The following CAMP variants were observed in gnomAD, a reference collection of about 807,000 sequenced individuals.
The protein encoded by CAMP is 18 kDa cationic antimicrobial protein.
In CAMP, 10 loss-of-function variants were observed where a neutral mutation model predicts 12.7. The ratio of observed to expected loss-of-function variants is 0.79; its 90% CI spans 0.49 to 1.34. CAMP has a LOEUF of 1.34. CAMP is among the 40% of genes most tolerant of loss of function. The pLI is 0.00. For missense variants in CAMP, 205 were observed against 213.0 expected (o/e 0.96, Z 0.23); for synonymous variants, 87 against 85.2 (o/e 1.02, Z -0.12).
At position 48,223,610 on chromosome 3, in the gene CAMP, C is replaced by G. The variant is rs1168371378; in HGVS notation, c.99C>G (p.Leu33=). ...CTCTGGCCATCATTGCCCAGGTCCT[C>G]AGCTACAAGGAAGCTGTGCTTCGTG... The part of the protein sequence containing the change: ...VMPLAIIAQV[L]SYKEAVLRAI... Residue 33 remains leucine, a synonymous_variant, in exon 1 of 4, where the codon CTC becomes CTG. Coordinates refer to ENST00000652295, the MANE Select transcript of CAMP (RefSeq NM_004345.5). The G allele has an allele frequency of 6.2e-7, 1 of 1,614,000 alleles. No homozygotes were observed.
At position 48,223,603 on chromosome 3, in the gene CAMP, A is replaced by G; in HGVS notation, c.92A>G (p.Gln31Arg). ...GLVMPLAIIA[Q>R]VLSYKEAVLR... ...GTGATGCCTCTGGCCATCATTGCCC[A>G]GGTCCTCAGCTACAAGGAAGCTGTG... The change falls in exon 1 of 4, where the codon CAG becomes CGG. Residue 31 changes from glutamine to arginine, a missense_variant. By Grantham distance (43) the Gln-to-Arg change is conservative (BLOSUM62 1). Transcript: ENST00000652295. 6.2e-7 allele frequency: 1 copy of G among 1,614,062 alleles called. No individual in the cohort carries two copies. Among genetic ancestry groups the G allele is most frequent in the Non-Finnish European group, 8.5e-7 (1 of 1,179,960 alleles).
At chr3:48,225,128 A>C (rs1229367572) in intron 3 of CAMP, among the ~76,000 whole-genome samples, 165 bp from the exon 4 acceptor site, 1 of 151,890 alleles carries the variant, frequency 6.6e-6, no homozygotes, top group Non-Finnish European at 1.5e-5. Context: ...TATTGGGTGT[A>C]GGGATTCAAT....
intron 3 of CAMP, 51 bp from the exon 4 acceptor site, chr3:48,225,242 C>A: frequency 1.2e-6 from 2 of 1,602,020 alleles, no homozygotes; most frequent in South Asian, 2.2e-5. Context: ...TTGGATTGAC[C>A]CTGGGTACAT....
chr3:48,224,647 G>C lies in CAMP; in HGVS notation c.354G>C (p.Arg118Ser), dbSNP rs745415316. ...CMGTVTLNQA[R>S]GSFDISCDKD... ...GGACAGTGACCCTCAACCAGGCCAG[G>C]GGCTCCTTTGACATCAGTTGTGATA... The change falls in exon 3 of 4, where the codon AGG becomes AGC. Residue 118 changes from arginine to serine, a missense_variant. Arg to Ser is a moderately radical substitution (Grantham distance 110). Transcript: ENST00000652295. The C allele has an allele frequency of 9.3e-6, 15 of 1,613,858 alleles. No individual in the cohort carries two copies. The highest frequency in any genetic ancestry group is 1.3e-5 in the Non-Finnish European group (15 of 1,179,840).
At chr3:48,225,247 G>A in intron 3 of CAMP, 46 bp from the exon 4 acceptor site, 1 of 1,605,162 alleles carries the variant, frequency 6.2e-7, no homozygotes, top group Non-Finnish European at 8.5e-7. Context: ...TTGACCCTGG[G>A]TACATCCCCG....
At chr3:48,225,251 A>C (rs748978592) in intron 3 of CAMP, 42 bp from the exon 4 acceptor site, 2 of 1,607,410 alleles carry the variant, frequency 1.2e-6, no homozygotes, top group Admixed American at 1.7e-5. Context: ...CCCTGGGTAC[A>C]TCCCCGACAA....
chr3:48,225,461 A>C lies in CAMP; in HGVS notation c.*37A>C. Reference sequence around the variant, plus strand: ...CCCTGGCTCAGGCTTCTGGGCTCTGAGAAATAAACTATGAGAGCAATTTCC... The same window carrying C: ...CCCTGGCTCAGGCTTCTGGGCTCTGCGAAATAAACTATGAGAGCAATTTCC... On this transcript the variant is annotated 3_prime_UTR_variant, in exon 4 of 4. Transcript: ENST00000652295. 6.3e-7 allele frequency: 1 copy of C among 1,586,802 alleles called. No individual in the cohort carries two copies. Among genetic ancestry groups the C allele is most frequent in the Non-Finnish European group, 8.6e-7 (1 of 1,161,952 alleles).
chr3:48,224,707 TG>T, intron 3 of CAMP, 33 bp downstream of exon 3: 1 of 1,504,774 alleles, frequency 6.6e-7, no homozygotes, highest in Non-Finnish European at 9.2e-7. Context: ...CAGGGGCTGA[TG>T]GGGGCATAGA....
chr3:48,223,524 AG>A lies in CAMP; in HGVS notation c.16del (p.Asp6MetfsTer18). ...AGACATGGGGACCATGAAGACCCAA[AG>A]GGATGGCCACTCCCTGGGGCGGTGG... MKTQ[R>X]DGHSLGRWSL... On this transcript the variant is annotated frameshift_variant, in exon 1 of 4. Coordinates refer to ENST00000652295, the MANE Select transcript of CAMP (RefSeq NM_004345.5). LOFTEE classifies it high-confidence loss of function. 1.3e-6 allele frequency: 2 copies of A among 1,598,458 alleles called. No individual in the cohort carries two copies. The highest frequency in any genetic ancestry group is 1.7e-6 in the Non-Finnish European group (2 of 1,172,758).
chr3:48,223,543 G>T lies in CAMP; in HGVS notation c.32G>T (p.Gly11Val). Residue 11 changes from glycine to valine, a missense_variant, in exon 1 of 4, where the codon GGG becomes GTG. By Grantham distance (109) the Gly-to-Val change is moderately radical (BLOSUM62 -3). Coordinates refer to ENST00000652295, the MANE Select transcript of CAMP (RefSeq NM_004345.5). ...ACCCAAAGGGATGGCCACTCCCTGG[G>T]GCGGTGGTCACTGGTGCTCCTGCTG... MKTQRDGHSL[G>V]RWSLVLLLLG... The T allele has an allele frequency of 6.2e-7, 1 of 1,608,280 alleles. No homozygotes were observed. Among genetic ancestry groups the T allele is most frequent in the Non-Finnish European group, 8.5e-7 (1 of 1,177,594 alleles).
In CAMP at chr3:48,223,605, G is replaced by T; in HGVS notation, c.94G>T (p.Val32Phe). 1 of 1,614,076 alleles carries T rather than the reference G, an allele frequency of 6.2e-7. No individual in the cohort carries two copies. The change falls in exon 1 of 4, where the codon GTC becomes TTC. Residue 32 changes from valine (V) to phenylalanine (F), a missense_variant. Physicochemically the swap from Val to Phe is conservative, Grantham distance 50 (BLOSUM62 -1). Transcript: ENST00000652295. ...GATGCCTCTGGCCATCATTGCCCAG[G>T]TCCTCAGCTACAAGGAAGCTGTGCT... Reference protein sequence around the residue: ...LVMPLAIIAQVLSYKEAVLRA... With the variant: ...LVMPLAIIAQFLSYKEAVLRA...
chr3:48,223,615 A>G lies in CAMP; in HGVS notation c.104A>G (p.Tyr35Cys). 2 of 1,614,086 alleles carry G rather than the reference A, an allele frequency of 1.2e-6. No individual in the cohort carries two copies. Among genetic ancestry groups the G allele is most frequent in the Non-Finnish European group, 1.7e-6 (2 of 1,179,918 alleles). Reference protein sequence around the residue: ...PLAIIAQVLSYKEAVLRAIDG... With the variant: ...PLAIIAQVLSCKEAVLRAIDG... ...GCCATCATTGCCCAGGTCCTCAGCT[A>G]CAAGGAAGCTGTGCTTCGTGCTATA... The change falls in exon 1 of 4, where the codon TAC becomes TGC. Residue 35 changes from tyrosine to cysteine, a missense_variant. Physicochemically the swap from Tyr to Cys is radical, Grantham distance 194. Coordinates refer to ENST00000652295, the MANE Select transcript of CAMP (RefSeq NM_004345.5).
At chr3:48,224,514 G>T in intron 2 of CAMP, 53 bp downstream of exon 2, 1 of 1,526,602 alleles carries the variant, frequency 6.6e-7, no homozygotes, top group East Asian at 2.2e-5. Flanking sequence ...AGCTGAACAG[G>T]GGGCACCTGG....
Position 48,225,473 on chromosome 3 carries a change from T to C in CAMP, c.*49T>C. ...CTTCTGGGCTCTGAGAAATAAACTA[T>C]GAGAGCAATTTCCTCAGGCTTCAGT... On this transcript the variant is annotated 3_prime_UTR_variant, in exon 4 of 4. Transcript: ENST00000652295. 1 of 1,559,172 alleles carries C rather than the reference T, an allele frequency of 6.4e-7. No individual in the cohort carries two copies. Among genetic ancestry groups the C allele is most frequent in the Non-Finnish European group, 8.8e-7 (1 of 1,139,412 alleles).
rs372766689 is a variant in CAMP, at chr3:48,223,709, G to A, written c.198G>A (p.Thr66=). The A allele has an allele frequency of 4.6e-5, 74 of 1,613,118 alleles. No individual in the cohort carries two copies. The Middle Eastern group carries it at 5.0e-4, about 11-fold the overall frequency. The change falls in exon 1 of 4, where the codon ACG becomes ACA. Residue 66 remains threonine (T), a synonymous_variant. Coordinates refer to ENST00000652295, the MANE Select transcript of CAMP (RefSeq NM_004345.5). Reference sequence around the variant, plus strand: ...TCCTGGACCTGGACCCCAGGCCCACGATGGTGAGCTTTGGGGGACATTCTG... The same window carrying A: ...TCCTGGACCTGGACCCCAGGCCCACAATGGTGAGCTTTGGGGGACATTCTG... ...YRLLDLDPRP[T]MDGDPDTPKP...
Position 48,225,313 on chromosome 3 carries a change from G to C in CAMP, c.402G>C (p.Leu134=), listed in dbSNP as rs745817453. The part of the protein sequence containing the change: ...SCDKDNKRFA[L]LGDFFRKSKE... ...CCCAGGATAACAAGAGATTTGCCCTGCTGGGTGATTTCTTCCGGAAATCTA... is the reference window on the plus strand; with the variant it reads ...CCCAGGATAACAAGAGATTTGCCCTCCTGGGTGATTTCTTCCGGAAATCTA... Residue 134 remains leucine (L), a synonymous_variant, in exon 4 of 4, where the codon CTG becomes CTC. Transcript: ENST00000652295. The C allele has an allele frequency of 5.0e-6, 8 of 1,613,422 alleles. No individual in the cohort carries two copies. The highest frequency in any genetic ancestry group is 2.2e-5 in the East Asian group (1 of 44,852).
At position 48,224,593 on chromosome 3, in the gene CAMP, T is replaced by C; in HGVS notation, c.310-10T>C. On this transcript the variant is annotated splice_polypyrimidine_tract_variant and intron_variant, in intron 2 of 3. Transcript: ENST00000652295. ...GGTTTCAAGTTTGACCTTGAGCTTC[T>C]CCTTTCCAGCTGGTGAAGCGGTGTA... The C allele has an allele frequency of 6.2e-7, 1 of 1,610,004 alleles. No homozygotes were observed.
rs2033495743 is a variant in CAMP, at chr3:48,225,406, A to G, written c.495A>G (p.Val165=). ...QRIKDFLRNL[V]PRTES The stretch of plus-strand genomic sequence containing the variant: ...TCAAGGATTTTTTGCGGAATCTTGT[A>G]CCCAGGACAGAGTCCTAGTGTGTGC... The change falls in exon 4 of 4, where the codon GTA becomes GTG. Residue 165 remains valine (V), a synonymous_variant. Coordinates refer to ENST00000652295, the MANE Select transcript of CAMP (RefSeq NM_004345.5). The G allele has an allele frequency of 1.2e-6, 2 of 1,613,654 alleles. No homozygotes were observed. The highest frequency in any genetic ancestry group is 1.7e-6 in the Non-Finnish European group (2 of 1,179,764).
At chr3:48,225,166 G>T in intron 3 of CAMP, 127 bp from the exon 4 acceptor site, 1 of 769,438 alleles carries the variant, frequency 1.3e-6, no homozygotes, top group Non-Finnish European at 2.2e-6. Context: ...ACAGCCAGAG[G>T]TTGAACTGGG....
Sources: allele counts gnomAD v4.1 joint callset (sites outside exome capture counted in the v4.1 genomes callset), GRCh38; gene constraint gnomAD v4.1.1; transcripts MANE v1.5; gene names NCBI Gene and HGNC (gene_info 2026-07-23, HGNC 2026-07-21).